The following WWOX variants were observed in gnomAD, a reference collection of about 807,000 sequenced individuals.
WWOX encodes the protein WW domain containing oxidoreductase.
In WWOX, 69 loss-of-function variants were observed where a neutral mutation model predicts 46.2. The ratio of observed to expected loss-of-function variants is 1.49; its 90% CI spans 1.23 to 1.82. The LOEUF (loss-of-function observed/expected upper bound fraction) is 1.82. Among genes scored for constraint, WWOX ranks in the 40% most tolerant of loss-of-function variants. The pLI, the probability that WWOX is intolerant of heterozygous loss-of-function variation, is 0.00. For synonymous variants in WWOX, 359 were observed against 202.6 expected (o/e 1.77, Z -6.56); for missense variants, 919 against 542.6 (o/e 1.69, Z -6.89).
At chr16:79,088,965 G>C (rs1407488970) in intron 8 of WWOX, among the ~76,000 whole-genome samples, 2 of 152,164 alleles carry the variant, frequency 1.3e-5, no homozygotes, top group African/African-American at 2.4e-5. Flanking sequence ...TTAGTGTAAT[G>C]AGGGAGTATA....
intron 8 of WWOX, among the ~76,000 whole-genome samples, chr16:79,052,427 A>G (rs962434281): frequency 2.0e-5 from 3 of 152,140 alleles, no homozygotes; most frequent in Admixed American, 2.0e-4. Context: ...CCATCCCGTT[A>G]CTGGGTGTAT....
At chr16:78,923,260 C>G (rs1165128806) in intron 8 of WWOX, among the ~76,000 whole-genome samples, 1 of 152,166 alleles carries the variant, frequency 6.6e-6, no homozygotes, top group Non-Finnish European at 1.5e-5. Flanking sequence ...GGATTACAGG[C>G]TTGAGCCACT....
intron 8 of WWOX, among the ~76,000 whole-genome samples, chr16:78,958,302 C>T (rs1015617694): frequency 6.6e-6 from 1 of 152,114 alleles, no homozygotes; most frequent in Non-Finnish European, 1.5e-5. Flanking sequence ...ATCAAAATAA[C>T]ATTTACTCTA....
At chr16:78,289,493 G>A (rs1461696780) in intron 5 of WWOX, among the ~76,000 whole-genome samples, 1 of 152,144 alleles carries the variant, frequency 6.6e-6, no homozygotes, top group Non-Finnish European at 1.5e-5. Context: ...ACTCTACAGT[G>A]ACTTGGTCTG....
chr16:78,595,719 A>G (rs2045473453), intron 8 of WWOX, among the ~76,000 whole-genome samples: 1 of 152,190 alleles, frequency 6.6e-6, no homozygotes. Context: ...CACTCAGTAC[A>G]TCTATACATG....
chr16:78,566,165 T>C (rs1480388888), intron 8 of WWOX, among the ~76,000 whole-genome samples: 5 of 152,190 alleles, frequency 3.3e-5, no homozygotes, highest in East Asian at 1.9e-4. Context: ...CTTTCTCTTA[T>C]AAGGATACTA....
At chr16:78,350,480 A>G (rs2081164392) in intron 5 of WWOX, among the ~76,000 whole-genome samples, 2 of 120,450 alleles carry the variant, frequency 1.7e-5, no homozygotes, top group South Asian at 5.0e-4. Context: ...TCCCAGCTCC[A>G]GGTAACCACT....
At chr16:78,690,641 T>G (rs1297784401) in intron 8 of WWOX, among the ~76,000 whole-genome samples, 1 of 150,260 alleles carries the variant, frequency 6.7e-6, no homozygotes, top group Non-Finnish European at 1.5e-5. Flanking sequence ...ATATTCACAG[T>G]TGCAAACTCA....
chr16:79,018,031 C>G (rs189153902), intron 8 of WWOX, among the ~76,000 whole-genome samples: 1 of 152,214 alleles, frequency 6.6e-6, no homozygotes, highest in Non-Finnish European at 1.5e-5. Context: ...TTGGAGTTTC[C>G]TGGTAGTCAA....
chr16:78,933,289 A>C (rs1212852860), intron 8 of WWOX, among the ~76,000 whole-genome samples: 5 of 152,182 alleles, frequency 3.3e-5, no homozygotes, highest in South Asian at 2.1e-4. Flanking sequence ...AAATACAAAA[A>C]TTAGCTGAGC....
intron 4 of WWOX, among the ~76,000 whole-genome samples, chr16:78,117,830 C>T (rs1253128825): frequency 6.6e-6 from 1 of 152,082 alleles, no homozygotes; most frequent in Non-Finnish European, 1.5e-5. Flanking sequence ...TTCCTTTGGC[C>T]ACTCAAGGGA....
At chr16:79,024,235 G>T (rs1330936441) in intron 8 of WWOX, among the ~76,000 whole-genome samples, 3 of 152,154 alleles carry the variant, frequency 2.0e-5, no homozygotes, top group Non-Finnish European at 2.9e-5. Context: ...TACACTTTAA[G>T]TGGGTGAATT....
At position 78,718,038 on chromosome 16, in the gene WWOX, A is replaced by T. The variant is rs1286390642; in HGVS notation, c.1056+285286A>T. Among the ~76,000 whole-genome samples, 3 of 130,972 alleles carry T rather than the reference A, an allele frequency of 2.3e-5. No homozygotes were observed. The Admixed American group carries it at 2.3e-4, about 10-fold the overall frequency. The allele number at this position is 130,972 out of a possible 152,430, so 85.9% of individuals were successfully genotyped here. A position where few individuals can be genotyped will look rare whatever the true frequency, so the allele number is the denominator to read the frequency against. On this transcript the variant is annotated intron_variant, in intron 8 of 8. Coordinates refer to ENST00000566780, the MANE Select transcript of WWOX (RefSeq NM_016373.4). Reference sequence around the variant, plus strand: ...AAGCACAATGGTATTAGCCTGCCAGACTGCAAACGTTATTTGCTTTATGGA... The same window carrying T: ...AAGCACAATGGTATTAGCCTGCCAGTCTGCAAACGTTATTTGCTTTATGGA...
intron 8 of WWOX, among the ~76,000 whole-genome samples, chr16:78,876,745 C>A (rs967947630): frequency 6.6e-6 from 1 of 152,012 alleles, no homozygotes; most frequent in Non-Finnish European, 1.5e-5. Flanking sequence ...AGAAAATTAA[C>A]TAAAAGAAGA....
chr16:78,358,137 G>C (rs181961894), intron 5 of WWOX, among the ~76,000 whole-genome samples: 108 of 152,234 alleles, frequency 7.1e-4, no homozygotes, highest in Non-Finnish European at 1.1e-3. Flanking sequence ...TAATAACACA[G>C]AGAAATCTAA....
chr16:78,670,670 A>G lies in WWOX; in HGVS notation c.1056+237918A>G, dbSNP rs79544534. Among the ~76,000 whole-genome samples, 46 of 151,596 alleles carry G rather than the reference A, an allele frequency of 3.0e-4. 2 individuals are homozygous for G. The highest frequency in any genetic ancestry group is 3.4e-3 in the Middle Eastern group (1 of 294). ...ATTTGGAAATAAGGCCTTTTTAATTAAAAAAAAATTTTTATTTAAAAAACA... is the reference window on the plus strand; with the variant it reads ...ATTTGGAAATAAGGCCTTTTTAATTGAAAAAAAATTTTTATTTAAAAAACA... On this transcript the variant is annotated intron_variant, in intron 8 of 8. Coordinates refer to ENST00000566780, the MANE Select transcript of WWOX (RefSeq NM_016373.4).
At chr16:78,984,985 G>GA (rs371065752) in intron 8 of WWOX, among the ~76,000 whole-genome samples, 74 of 149,908 alleles carry the variant, frequency 4.9e-4, no homozygotes, top group East Asian at 7.8e-4. Flanking sequence ...TGGGCAAAAG[G>GA]AAAAAAAAAA....
At chr16:78,762,053 T>A (rs940893781) in intron 8 of WWOX, among the ~76,000 whole-genome samples, 31 of 152,202 alleles carry the variant, frequency 2.0e-4, no homozygotes, top group African/African-American at 7.0e-4. Flanking sequence ...CTATTTGGTG[T>A]CAACTCTGTG....
chr16:78,530,763 C>G (rs148377715), intron 8 of WWOX, among the ~76,000 whole-genome samples: 516 of 152,298 alleles, frequency 3.4e-3, no homozygotes, highest in Non-Finnish European at 5.7e-3. Context: ...ACCTGCAATT[C>G]TTTGTACATA....
Sources: gnomAD v4.1 joint callset for allele counts (sites outside exome capture counted in the v4.1 genomes callset) on GRCh38, gnomAD v4.1.1 for gene constraint, MANE v1.5 for transcripts, NCBI Gene and HGNC (gene_info 2026-07-23, HGNC 2026-07-21) for gene names.